Variants in TTC28 observed in about 807,000 individuals in gnomAD.
TTC28 encodes the protein tetratricopeptide repeat protein 28.
A neutral mutation model predicts 198.0 loss-of-function variants in TTC28; 61 were observed. That is an observed-to-expected ratio of 0.31 (90% CI 0.25 to 0.38). TTC28 has a LOEUF of 0.38. Among genes scored for constraint, TTC28 ranks in the 10% least tolerant of loss-of-function variants. The probability of loss-of-function intolerance (pLI) is 1.00; values close to 1 mark genes in which losing one functional copy is unlikely to be tolerated. For missense variants in TTC28, 2,678 were observed against 3,164.0 expected (o/e 0.85, Z 3.69); for synonymous variants, 1,171 against 1,297.8 (o/e 0.90, Z 2.10).
intron 2 of TTC28, among the ~76,000 whole-genome samples, chr22:28,538,341 G>T (rs1449297182): frequency 6.6e-6 from 1 of 152,064 alleles, no homozygotes; most frequent in Non-Finnish European, 1.5e-5. Flanking sequence ...TACCATCTCG[G>T]CCTCCCAAAG....
Position 28,107,180 on chromosome 22 carries a change from C to T in TTC28, c.2665G>A (p.Ala889Thr). The T allele has an allele frequency of 1.3e-6, 2 of 1,551,738 alleles. No homozygotes were observed. Among genetic ancestry groups the T allele is most frequent in the Non-Finnish European group, 1.7e-6 (2 of 1,147,008 alleles). The change falls in exon 7 of 23, where the codon GCC (alanine) becomes ACC (threonine). Residue 889 changes from alanine (A) to threonine (T), a missense_variant. Coordinates refer to ENST00000397906, the MANE Select transcript of TTC28 (RefSeq NM_001145418.2). ...AYGNLGDCYEALGDYEEAIKY... is the reference protein window; with the variant it reads ...AYGNLGDCYETLGDYEEAIKY... ...ATAGCTTCCTCATAGTCACCCAGGG[C>T]TTCGTAGCAATCCCCCAGGTTGCCA...
intron 5 of TTC28, among the ~76,000 whole-genome samples, chr22:28,225,109 T>C (rs968628441): frequency 6.6e-6 from 1 of 151,878 alleles, no homozygotes; most frequent in Non-Finnish European, 1.5e-5. Context: ...GCACAATGGC[T>C]CACCTGTAAT....
chr22:28,302,414 C>T (rs1250413430), intron 3 of TTC28, among the ~76,000 whole-genome samples: 1 of 152,172 alleles, frequency 6.6e-6, no homozygotes, highest in Non-Finnish European at 1.5e-5. Flanking sequence ...AGTACTGCTG[C>T]TGCTTCCACT....
chr22:28,426,211 C>T (rs1157472810), intron 2 of TTC28, among the ~76,000 whole-genome samples: 1 of 85,674 alleles, frequency 1.2e-5, no homozygotes, highest in African/African-American at 4.6e-5. Flanking sequence ...GACTCCACGT[C>T]AAAAAAAAAA....
At chr22:28,116,087 C>G (rs943212585) in intron 6 of TTC28, among the ~76,000 whole-genome samples, 4 of 152,102 alleles carry the variant, frequency 2.6e-5, no homozygotes, top group African/African-American at 9.7e-5. Flanking sequence ...TTGCTCACCC[C>G]CACCCCTCAA....
chr22:28,353,125 G>T (rs958884955), intron 2 of TTC28, among the ~76,000 whole-genome samples: 1 of 152,082 alleles, frequency 6.6e-6, no homozygotes, highest in Non-Finnish European at 1.5e-5. Context: ...ACACAGAAAA[G>T]AATACGTTGA....
At chr22:28,579,083 T>C (rs1356061452) in intron 2 of TTC28, among the ~76,000 whole-genome samples, 1 of 151,684 alleles carries the variant, frequency 6.6e-6, no homozygotes, top group Non-Finnish European at 1.5e-5. Flanking sequence ...TAGCTATACA[T>C]ACATACATAT....
In TTC28 at chr22:28,163,588, T is replaced by C; in HGVS notation, c.945A>G (p.Ser315=). 6 of 1,534,306 alleles carry C rather than the reference T, an allele frequency of 3.9e-6. No homozygotes were observed. Among genetic ancestry groups the C allele is most frequent in the Non-Finnish European group, 5.3e-6 (6 of 1,138,060 alleles). The change falls in exon 6 of 23, where the codon TCA becomes TCG. Residue 315 remains serine, a synonymous_variant. Transcript: ENST00000397906. The stretch of plus-strand genomic sequence containing the variant: ...ACACGTGGCCCAGACTGCTCAAGGC[T>C]GATGAAGCTGCCTGGAGAGAAAAGG... ...MKLKDREAAS[S]ALSSLGHVYT...
intron 2 of TTC28, among the ~76,000 whole-genome samples, chr22:28,422,510 T>C (rs1319053048): frequency 1.3e-5 from 2 of 151,482 alleles, no homozygotes; most frequent in East Asian, 3.9e-4. Flanking sequence ...GCGATCTCGG[T>C]TCACTGCAAG....
In TTC28 at chr22:28,030,278, T is replaced by G; in HGVS notation, c.4021A>C (p.Thr1341Pro). The change falls in exon 13 of 23, where the codon ACT becomes CCT. Residue 1341 changes from threonine (T) to proline (P), a missense_variant. By Grantham distance (38) the Thr-to-Pro change is conservative. Around this residue, in one of 8 missense-constraint regions of TTC28, gnomAD observed 727 missense variants for 861.9 expected, o/e 0.84. Transcript: ENST00000397906. ...EEMNNKLNSV[T>P]DPTGFLRMVR... ...ATCCGCAGAAAGCCAGTGGGGTCAG[T>G]GACCGAGTTGAGTTTGTTGTTCATC... The G allele has an allele frequency of 6.4e-7, 1 of 1,551,782 alleles. No homozygotes were observed. Among genetic ancestry groups the G allele is most frequent in the East Asian group, 2.4e-5 (1 of 40,908 alleles).
At chr22:28,395,531 C>T (rs1309581367) in intron 2 of TTC28, among the ~76,000 whole-genome samples, 1 of 150,838 alleles carries the variant, frequency 6.6e-6, no homozygotes, top group Non-Finnish European at 1.5e-5. Context: ...ACTCGGGAGG[C>T]TGAGGCAGGC....
chr22:28,032,798 G>C (rs973522811), intron 12 of TTC28, among the ~76,000 whole-genome samples: 7 of 152,056 alleles, frequency 4.6e-5, no homozygotes, highest in Admixed American at 2.6e-4. Flanking sequence ...CCTGGGGTTT[G>C]ACTTCAACAG....
Position 27,998,871 on chromosome 22 carries a change from C to G in TTC28, c.4788G>C (p.Ser1596=). 1 of 1,550,148 alleles carries G rather than the reference C, an allele frequency of 6.5e-7. No homozygotes were observed. The highest frequency in any genetic ancestry group is 8.7e-7 in the Non-Finnish European group (1 of 1,146,948). The change falls in exon 16 of 23, where the codon TCG becomes TCC. Residue 1596 remains serine (S), a synonymous_variant. Coordinates refer to ENST00000397906, the MANE Select transcript of TTC28 (RefSeq NM_001145418.2). ...QDDASDGESI[S]DCPPLQELLL... ...GCAGCTCCTGCAGGGGCGGGCAGTC[C>G]GAGATGCTCTCCCCATCACTGGCAT...
chr22:28,526,721 G>A (rs1368314563), intron 2 of TTC28, among the ~76,000 whole-genome samples: 1 of 152,004 alleles, frequency 6.6e-6, no homozygotes, highest in East Asian at 1.9e-4. Context: ...CAGGAGAGAG[G>A]AAGAAGCTAA....
chr22:27,983,645 G>A lies in TTC28; in HGVS notation c.6022C>T (p.Pro2008Ser), dbSNP rs181755958. 58 of 1,544,340 alleles carry A rather than the reference G, an allele frequency of 3.8e-5. No homozygotes were observed. In the African/African-American group the frequency reaches 6.4e-4, roughly 17 times the overall value. The change falls in exon 23 of 23, where the codon CCC becomes TCC. Residue 2008 changes from proline to serine, a missense_variant. By Grantham distance (74) the Pro-to-Ser change is moderately conservative (BLOSUM62 -1). Around this residue, in one of 8 missense-constraint regions of TTC28, gnomAD observed 622 missense variants for 656.0 expected, o/e 0.95. Coordinates refer to ENST00000397906, the MANE Select transcript of TTC28 (RefSeq NM_001145418.2). The part of the protein sequence containing the change: ...IASSMSFVSK[P>S]EGGSEGGGPG... ...CCTCCACCCTCTGATCCACCCTCGG[G>A]TTTGGAGACAAAGCTCATTGAGGAG...
chr22:28,317,070 T>C (rs960140552), intron 2 of TTC28, among the ~76,000 whole-genome samples: 34 of 152,268 alleles, frequency 2.2e-4, no homozygotes, highest in African/African-American at 7.2e-4. Flanking sequence ...CACTGCACCC[T>C]GCCTGTTACT....
chr22:27,990,900 G>C (rs1050923221), intron 19 of TTC28, 88 bp from the exon 20 acceptor site: 2 of 1,374,960 alleles, frequency 1.5e-6, no homozygotes, highest in African/African-American at 1.4e-5. Context: ...AACATGAGCT[G>C]ATCACTGTTT....
chr22:28,515,473 C>G (rs978282214), intron 2 of TTC28, among the ~76,000 whole-genome samples: 1 of 152,134 alleles, frequency 6.6e-6, no homozygotes, highest in African/African-American at 2.4e-5. Flanking sequence ...AAAGATATTG[C>G]AGAAAGGGCT....
intron 5 of TTC28, among the ~76,000 whole-genome samples, chr22:28,186,621 C>T (rs1038136756): frequency 6.6e-6 from 1 of 152,174 alleles, no homozygotes; most frequent in Non-Finnish European, 1.5e-5. Context: ...TGGCAGGGCA[C>T]ATTTCCAGAA....
Sources: gnomAD v4.1 joint callset for allele counts (sites outside exome capture counted in the v4.1 genomes callset) on GRCh38, gnomAD v4.1.1 for gene constraint, gnomAD v4.1.1 regional missense constraint, MANE v1.5 for transcripts, NCBI Gene and HGNC (gene_info 2026-07-23, HGNC 2026-07-21) for gene names.